The following CSMD1 variants were observed in gnomAD, a reference collection of about 807,000 sequenced individuals.
The protein encoded by CSMD1 is CUB and Sushi multiple domains 1.
Under a neutral mutation model 417.5 loss-of-function variants are expected in CSMD1, and 213 were observed. The ratio of observed to expected loss-of-function variants is 0.51; its 90% CI spans 0.46 to 0.57. CSMD1 has a LOEUF of 0.57. Among genes scored for constraint, CSMD1 ranks in the 20% least tolerant of loss-of-function variants. The pLI is 0.00. For synonymous variants in CSMD1, 2,862 were observed against 1,736.8 expected (o/e 1.65, Z -16.11); for missense variants, 6,923 against 4,529.7 (o/e 1.53, Z -15.17).
intron 21 of CSMD1, among the ~76,000 whole-genome samples, chr8:3,355,491 G>A (rs1808718616): frequency 6.6e-6 from 1 of 152,138 alleles, no homozygotes; most frequent in African/African-American, 2.4e-5. Flanking sequence ...CGACTGCCCT[G>A]GCCACAATGA....
At chr8:3,652,969 C>G (rs11783239) in intron 7 of CSMD1, among the ~76,000 whole-genome samples, 1 of 152,104 alleles carries the variant, frequency 6.6e-6, no homozygotes, top group East Asian at 1.9e-4. Context: ...TGACTGCTTT[C>G]AAGTATAATT....
intron 3 of CSMD1, among the ~76,000 whole-genome samples, chr8:4,347,941 A>G (rs1800868069): frequency 6.6e-6 from 1 of 152,226 alleles, no homozygotes; most frequent in Admixed American, 6.5e-5. Context: ...GCACAAAAAT[A>G]AAATGGAGGC....
intron 26 of CSMD1, among the ~76,000 whole-genome samples, chr8:3,276,846 G>C (rs1414979814): frequency 2.0e-5 from 3 of 152,048 alleles, no homozygotes; most frequent in Non-Finnish European, 4.4e-5. Context: ...ACACTTGTTG[G>C]ATATTGATTA....
At chr8:3,274,937 T>G (rs1209288329) in intron 26 of CSMD1, among the ~76,000 whole-genome samples, 1 of 152,194 alleles carries the variant, frequency 6.6e-6, no homozygotes, top group East Asian at 1.9e-4. Flanking sequence ...CATTTAAAGT[T>G]AATATTGTTA....
Position 4,458,641 on chromosome 8 carries a change from T to A in CSMD1, c.303-38576A>T, listed in dbSNP as rs533196455. ...ACCTCAGCAGCAAAATCAATGAGAA[T>A]GTATTTTGTATTCTCAAAGGTCCTT... On this transcript the variant is annotated intron_variant, in intron 2 of 69. Transcript: ENST00000635120. 5.9e-5 allele frequency among the ~76,000 whole-genome samples: 9 copies of A among 152,320 alleles called. No homozygotes were observed. In the East Asian group the frequency reaches 1.7e-3, roughly 29 times the overall value.
chr8:4,054,811 T>C (rs1401318420), intron 3 of CSMD1, among the ~76,000 whole-genome samples: 17 of 152,102 alleles, frequency 1.1e-4, no homozygotes, highest in Non-Finnish European at 2.5e-4. Context: ...AAACAGAAGC[T>C]CCTTCCCCAT....
chr8:4,372,362 C>G (rs1244076687), intron 3 of CSMD1, among the ~76,000 whole-genome samples: 1 of 152,122 alleles, frequency 6.6e-6, no homozygotes, highest in Non-Finnish European at 1.5e-5. Context: ...GTGTTTCCTT[C>G]CACATGCTGT....
At chr8:4,525,326 G>A (rs1449365967) in intron 2 of CSMD1, among the ~76,000 whole-genome samples, 1 of 152,080 alleles carries the variant, frequency 6.6e-6, no homozygotes, top group Non-Finnish European at 1.5e-5. Flanking sequence ...TCCCGGCATG[G>A]GGATTTCTCA....
At chr8:3,973,472 T>C (rs1813216752) in intron 5 of CSMD1, among the ~76,000 whole-genome samples, 1 of 152,210 alleles carries the variant, frequency 6.6e-6, no homozygotes, top group Non-Finnish European at 1.5e-5. Context: ...ATTTCTGAAG[T>C]TGTTTATTTT....
At chr8:3,675,094 T>C (rs944467675) in intron 7 of CSMD1, among the ~76,000 whole-genome samples, 1 of 152,140 alleles carries the variant, frequency 6.6e-6, no homozygotes, top group Non-Finnish European at 1.5e-5. Context: ...TAAAACGCCA[T>C]CTTGAAGAGA....
At chr8:4,830,962 G>A (rs181947498) in intron 1 of CSMD1, among the ~76,000 whole-genome samples, 5 of 152,274 alleles carry the variant, frequency 3.3e-5, no homozygotes, top group African/African-American at 1.2e-4. Flanking sequence ...TGAAGAAAAA[G>A]GTAGCTAATC....
chr8:3,452,768 C>G (rs975090123), intron 12 of CSMD1, among the ~76,000 whole-genome samples: 3 of 152,106 alleles, frequency 2.0e-5, no homozygotes, highest in Admixed American at 6.6e-5. Flanking sequence ...GGATATTGGT[C>G]TAAAATTCTC....
At chr8:4,315,736 G>C (rs953302056) in intron 3 of CSMD1, among the ~76,000 whole-genome samples, 2 of 152,098 alleles carry the variant, frequency 1.3e-5, no homozygotes, top group African/African-American at 2.4e-5. Flanking sequence ...GTGCAAAAAA[G>C]AAACTGAATG....
At chr8:4,840,647 C>T (rs1257275091) in intron 1 of CSMD1, among the ~76,000 whole-genome samples, 1 of 152,184 alleles carries the variant, frequency 6.6e-6, no homozygotes, top group South Asian at 2.1e-4. Context: ...GCTATACTTT[C>T]TGAGTGACGT....
At chr8:3,693,916 T>TGTGTGTTTGTTATGGTGTGTGC in intron 7 of CSMD1, among the ~76,000 whole-genome samples, 1 of 151,324 alleles carries the variant, frequency 6.6e-6, no homozygotes, top group Non-Finnish European at 1.5e-5. Context: ...CTTGTGTGTG[T>TGTGTGTTTGTTATGGTGTGTGC]GTGTGTTTGT....
At chr8:4,673,078 A>G (rs541529495) in intron 1 of CSMD1, among the ~76,000 whole-genome samples, 4 of 151,434 alleles carry the variant, frequency 2.6e-5, no homozygotes, top group African/African-American at 9.7e-5. Flanking sequence ...CACACACACA[A>G]GGTGAAACAA....
intron 3 of CSMD1, among the ~76,000 whole-genome samples, chr8:4,138,922 T>C (rs1357282858): frequency 6.6e-6 from 1 of 152,204 alleles, no homozygotes; most frequent in African/African-American, 2.4e-5. Context: ...TCCTGCAAGC[T>C]TCTATTTATT....
At chr8:3,981,500 T>TAAAA (rs200296436) in intron 5 of CSMD1, among the ~76,000 whole-genome samples, 37 of 115,070 alleles carry the variant, frequency 3.2e-4, no homozygotes, top group South Asian at 1.4e-3. Context: ...TAGAAAAAAG[T>TAAAA]AAAAAAAAAA....
chr8:3,223,433 C>T (rs1433553761), intron 28 of CSMD1, among the ~76,000 whole-genome samples: 3 of 152,140 alleles, frequency 2.0e-5, no homozygotes, highest in Admixed American at 6.5e-5. Context: ...TGTCTCCATA[C>T]CATATTTTTA....
Sources: gnomAD v4.1 joint callset for allele counts (sites outside exome capture counted in the v4.1 genomes callset) on GRCh38, gnomAD v4.1.1 for gene constraint, MANE v1.5 for transcripts, NCBI Gene and HGNC (gene_info 2026-07-23, HGNC 2026-07-21) for gene names.